The following DCT variants were observed in gnomAD, a reference collection of about 807,000 sequenced individuals.
DCT encodes L-dopachrome tautomerase.
In DCT, 47 loss-of-function variants were observed where a neutral mutation model predicts 53.0. That is an observed-to-expected ratio of 0.89 (90% CI 0.70 to 1.13). DCT has a LOEUF of 1.13. Ranked by LOEUF, DCT falls within the 50% of genes most tolerant of loss-of-function variation. The pLI, the probability that DCT is intolerant of heterozygous loss-of-function variation, is 0.00. For synonymous variants in DCT, 244 were observed against 237.0 expected (o/e 1.03, Z -0.27); for missense variants, 669 against 637.4 (o/e 1.05, Z -0.53).
the DCT span, among the ~76,000 whole-genome samples, chr13:94,489,438 C>T: frequency 2.4e-4 from 36 of 152,168 alleles, no homozygotes; most frequent in East Asian, 7.0e-3. Context: ...CATCTGTAAA[C>T]CCAAGATGAA....
chr13:94,449,516 A>G (rs1316878299), intron 6 of DCT, among the ~76,000 whole-genome samples: 1 of 152,226 alleles, frequency 6.6e-6, no homozygotes, highest in East Asian at 1.9e-4. Flanking sequence ...TTGTGGTGAC[A>G]TGCTATTGCT....
At chr13:94,440,590 T>C (rs559921618) in intron 7 of DCT, among the ~76,000 whole-genome samples, 5 of 151,762 alleles carry the variant, frequency 3.3e-5, no homozygotes. Flanking sequence ...GAATAAAATG[T>C]AAATCTCCCA....
intron 2 of DCT, chr13:94,467,571 C>G (rs1884307535): frequency 6.6e-6 from 1 of 152,316 alleles, no homozygotes; most frequent in South Asian, 2.1e-4. Flanking sequence ...GCCTCCTTAT[C>G]TATCGATAAA....
intron 6 of DCT, chr13:94,445,707 G>T: frequency 1.9e-6 from 3 of 1,573,336 alleles, no homozygotes; most frequent in South Asian, 2.3e-5. Flanking sequence ...AGCCTCCCAG[G>T]CTCATGGTTA....
chr13:94,522,858 G>A, the DCT span, among the ~76,000 whole-genome samples: 2 of 152,160 alleles, frequency 1.3e-5, no homozygotes, highest in Non-Finnish European at 2.9e-5. Context: ...CTCAAACTCA[G>A]GCCTTCTGAA....
chr13:94,548,274 C>T, the DCT span, among the ~76,000 whole-genome samples: 1 of 151,870 alleles, frequency 6.6e-6, no homozygotes, highest in Non-Finnish European at 1.5e-5. Context: ...TTATGAAGAG[C>T]AAATAATGCT....
At chr13:94,545,361 C>T in the DCT span, among the ~76,000 whole-genome samples, 3 of 152,026 alleles carry the variant, frequency 2.0e-5, no homozygotes, top group African/African-American at 2.4e-5. Flanking sequence ...CCAGCAAGCC[C>T]GTCTGCTAAA....
the DCT span, among the ~76,000 whole-genome samples, chr13:94,514,222 C>T: frequency 2.0e-5 from 3 of 152,016 alleles, no homozygotes; most frequent in African/African-American, 7.2e-5. Flanking sequence ...GGAAAGAGCA[C>T]AGATGTGATG....
the DCT span, among the ~76,000 whole-genome samples, chr13:94,540,204 A>G: frequency 5.9e-5 from 9 of 152,346 alleles, no homozygotes; most frequent in African/African-American, 1.9e-4. Flanking sequence ...AAAGAGATAG[A>G]AAAAGAAGAT....
chr13:94,499,806 T>C, the DCT span, among the ~76,000 whole-genome samples: 3 of 152,072 alleles, frequency 2.0e-5, no homozygotes, highest in Non-Finnish European at 4.4e-5. Context: ...ACTCTCTCCA[T>C]AGGAGAGGGC....
chr13:94,458,597 T>C (rs1437379948), intron 6 of DCT, among the ~76,000 whole-genome samples: 1 of 152,020 alleles, frequency 6.6e-6, no homozygotes, highest in Non-Finnish European at 1.5e-5. Flanking sequence ...AGGTCAGGTG[T>C]TTGAGACCAG....
rs1884154905 is a variant in DCT at position 94,465,814 on chromosome 13, C to T, written c.697-15G>A. On this transcript the variant is annotated splice_polypyrimidine_tract_variant and intron_variant, in intron 3 of 7. Coordinates refer to ENST00000377028, the MANE Select transcript of DCT (RefSeq NM_001922.5). ...CCAATGAGTCGCTAAAAGCAAAGGGCAGGCCTAGTCATTTAATCCATGCCA... is the reference window on the plus strand; with the variant it reads ...CCAATGAGTCGCTAAAAGCAAAGGGTAGGCCTAGTCATTTAATCCATGCCA... The T allele has an allele frequency of 6.2e-7, 1 of 1,604,266 alleles. No homozygotes were observed. Among genetic ancestry groups the T allele is most frequent in the Non-Finnish European group, 8.5e-7 (1 of 1,174,704 alleles).
chr13:94,467,081 GATTA>G (rs1296634872), intron 2 of DCT: 49 of 153,116 alleles, frequency 3.2e-4, no homozygotes, highest in Admixed American at 2.7e-3. Flanking sequence ...AAAAGGGAGG[GATTA>G]ATTAATAATA....
chr13:94,491,100 C>T, the DCT span, among the ~76,000 whole-genome samples: 1,205 of 152,226 alleles, frequency 7.9e-3, 4 homozygotes, highest in Non-Finnish European at 0.013. Context: ...AAAGTCAGGG[C>T]GCTTTTAGGG....
In DCT at chr13:94,444,021, C is replaced by T. The variant is rs76789275; in HGVS notation, c.1180-384G>A. Among the ~76,000 whole-genome samples, 457 of 152,160 alleles carry T rather than the reference C, an allele frequency of 3.0e-3. 3 individuals carry two copies. Among genetic ancestry groups the T allele is most frequent in the African/African-American group, 0.01 (433 of 41,512 alleles). ...GTTAATTATGAAATTCAGAAAAAGG[C>T]AAGTATGATAAGATACATGTTCTAG... On this transcript the variant is annotated intron_variant, in intron 6 of 7. Transcript: ENST00000377028.
chr13:94,460,306 A>C, intron 5 of DCT, 80 bp from the exon 6 acceptor site: 1 of 1,354,714 alleles, frequency 7.4e-7, no homozygotes, highest in South Asian at 1.3e-5. Flanking sequence ...CCTAGATAAT[A>C]GTTGTCTAAT....
chr13:94,472,513 CATACATACATATATATATATATAT>C (rs1417591375), intron 1 of DCT, among the ~76,000 whole-genome samples: 16 of 37,506 alleles, frequency 4.3e-4, no homozygotes, highest in African/African-American at 1.4e-3. Context: ...TAAATATATA[CATACATACATATATATATATATAT>C]ATATATATAT....
At chr13:94,465,126 T>C (rs563253345) in intron 4 of DCT, among the ~76,000 whole-genome samples, 1 of 152,326 alleles carries the variant, frequency 6.6e-6, no homozygotes, top group South Asian at 2.1e-4. Flanking sequence ...TCTATTACAG[T>C]ACTTCCCACA....
chr13:94,485,939 G>T, the DCT span, among the ~76,000 whole-genome samples: 11 of 152,174 alleles, frequency 7.2e-5, no homozygotes, highest in African/African-American at 2.7e-4. Flanking sequence ...TCGATTGCAT[G>T]ATTTTAAAAG....
Sources: allele counts gnomAD v4.1 joint callset (sites outside exome capture counted in the v4.1 genomes callset), GRCh38; gene constraint gnomAD v4.1.1; transcripts MANE v1.5; gene names NCBI Gene and HGNC (gene_info 2026-07-23, HGNC 2026-07-21).